Variants in RFX3 observed in about 807,000 individuals in gnomAD.
RFX3 encodes transcription factor RFX3.
In RFX3, 14 loss-of-function variants were observed where a neutral mutation model predicts 98.6. That is an observed-to-expected ratio of 0.14 (90% CI 0.09 to 0.22). RFX3 has a LOEUF of 0.22. Among genes scored for constraint, RFX3 ranks in the 10% least tolerant of loss-of-function variants. The pLI is 1.00. For missense variants in RFX3, 639 were observed against 926.9 expected, an observed-to-expected ratio of 0.69 and a Z score of 4.03; for synonymous variants, 383 against 328.4, an observed-to-expected ratio of 1.17 and a Z score of -1.80.
chr9:3,420,194 G>C (rs1468591253), intron 1 of RFX3, among the ~76,000 whole-genome samples: 1 of 152,154 alleles, frequency 6.6e-6, no homozygotes, highest in Non-Finnish European at 1.5e-5. Flanking sequence ...TTGCACTGAA[G>C]CACACCAGTC....
chr9:3,452,880 G>C lies in RFX3; in HGVS notation c.-8-57284C>G, dbSNP rs532229632. Among the ~76,000 whole-genome samples, 16 of 152,270 alleles carry C rather than the reference G, an allele frequency of 1.1e-4. No homozygotes were observed. In the South Asian group the frequency reaches 2.1e-3, roughly 20 times the overall value. On this transcript the variant is annotated intron_variant, in intron 1 of 16. Coordinates refer to ENST00000617270, the MANE Select transcript of RFX3 (RefSeq NM_001282116.2). ...TTTTAATATAGTACCATAGAAAGTA[G>C]CATGGCTCCAGGAGATTAGACTAAA...
intron 14 of RFX3, among the ~76,000 whole-genome samples, chr9:3,253,823 T>C (rs529441054): frequency 6.6e-4 from 100 of 152,344 alleles, no homozygotes; most frequent in Non-Finnish European, 1.3e-3. Flanking sequence ...TTTTGGCATC[T>C]GTAATGCCAA....
chr9:3,353,002 G>A (rs907417703), intron 2 of RFX3, among the ~76,000 whole-genome samples: 21 of 152,052 alleles, frequency 1.4e-4, no homozygotes, highest in African/African-American at 4.6e-4. Flanking sequence ...ATACACCATG[G>A]AATACTATGC....
intron 2 of RFX3, among the ~76,000 whole-genome samples, chr9:3,358,646 C>T (rs777632076): frequency 1.4e-4 from 22 of 152,022 alleles, no homozygotes; most frequent in South Asian, 6.2e-4. Context: ...CATATTTTGG[C>T]GGTAACACCA....
chr9:3,443,369 C>A (rs190790245), intron 1 of RFX3, among the ~76,000 whole-genome samples: 9 of 152,276 alleles, frequency 5.9e-5, no homozygotes, highest in Non-Finnish European at 1.3e-4. Flanking sequence ...CAACCCTCTC[C>A]AACAGGCCCC....
At chr9:3,524,467 G>A in intron 1 of RFX3, 1 of 953,612 alleles carries the variant, frequency 1.0e-6, no homozygotes, top group Non-Finnish European at 1.2e-6. Flanking sequence ...GAAAGAAAGT[G>A]AAATATACAC....
chr9:3,347,552 G>A (rs1161704428), intron 2 of RFX3, among the ~76,000 whole-genome samples: 6 of 151,986 alleles, frequency 3.9e-5, no homozygotes, highest in Non-Finnish European at 5.9e-5. Context: ...GGCCGGGTGC[G>A]GTGGCTCACC....
intron 1 of RFX3, among the ~76,000 whole-genome samples, chr9:3,414,690 GTA>G (rs1297305942): frequency 1.1e-5 from 1 of 94,092 alleles, no homozygotes; most frequent in Non-Finnish European, 1.9e-5. Context: ...GAGTATATAT[GTA>G]TATATGAGTA....
In RFX3 at chr9:3,255,875, G is replaced by A. The variant is rs148565268; in HGVS notation, c.1814+1116C>T. 3.3e-3 allele frequency among the ~76,000 whole-genome samples: 497 copies of A among 152,118 alleles called. 1 individual carries two copies. Among genetic ancestry groups the A allele is most frequent in the Non-Finnish European group, 6.1e-3 (412 of 68,010 alleles). ...GTGATTTATATTATTAATAAGCTAT[G>A]TTACTGTCTACGAGATTACTGATGA... On this transcript the variant is annotated intron_variant, in intron 14 of 16. Transcript: ENST00000617270.
At chr9:3,420,170 C>T (rs753182617) in intron 1 of RFX3, among the ~76,000 whole-genome samples, 4 of 152,188 alleles carry the variant, frequency 2.6e-5, no homozygotes, top group Non-Finnish European at 5.9e-5. Context: ...TGTGTGCTGC[C>T]TTCTTCCAGA....
At position 3,282,637 on chromosome 9, in the gene RFX3, T is replaced by TA. The variant is rs1267858909; in HGVS notation, c.852-5177_852-5176insT. 2.6e-5 allele frequency among the ~76,000 whole-genome samples: 4 copies of TA among 151,888 alleles called. No individual in the cohort carries two copies. The East Asian group carries it at 7.7e-4, about 29-fold the overall frequency. On this transcript the variant is annotated intron_variant, in intron 7 of 16. Coordinates refer to ENST00000617270, the MANE Select transcript of RFX3 (RefSeq NM_001282116.2). ...TCTCTGATCTCATGAATTTCTTCAT[T>TA]GAGTCCTCTAAGCATAGGTGGTTTA...
intron 1 of RFX3, among the ~76,000 whole-genome samples, chr9:3,415,955 G>C (rs577675866): frequency 2.0e-5 from 3 of 152,190 alleles, no homozygotes; most frequent in Admixed American, 2.0e-4. Context: ...AACCTATTTG[G>C]TTTAATTATC....
intron 5 of RFX3, among the ~76,000 whole-genome samples, chr9:3,296,521 CA>C (rs1424519147): frequency 2.6e-5 from 4 of 151,812 alleles, no homozygotes; most frequent in African/African-American, 9.6e-5. Flanking sequence ...TAAACTAGTT[CA>C]AAAAATCAGT....
chr9:3,408,018 C>A (rs866251677), intron 1 of RFX3, among the ~76,000 whole-genome samples: 4 of 152,092 alleles, frequency 2.6e-5, no homozygotes, highest in African/African-American at 9.7e-5. Context: ...CACACCATAA[C>A]GCCCACTTCT....
At position 3,504,918 on chromosome 9, in the gene RFX3, TA is replaced by T. The variant is rs1354754718; in HGVS notation, c.-9+20828del. Among the ~76,000 whole-genome samples, 488 of 70,470 alleles carry T rather than the reference TA, an allele frequency of 6.9e-3. 20 individuals are homozygous for T. The highest frequency in any genetic ancestry group is 0.033 in the African/African-American group (470 of 14,326). The allele number at this position is 70,470 out of a possible 152,430, so 46.2% of individuals were successfully genotyped here. A position where few individuals can be genotyped will look rare whatever the true frequency, so the allele number is the denominator to read the frequency against. On this transcript the variant is annotated intron_variant, in intron 1 of 16. Coordinates refer to ENST00000617270, the MANE Select transcript of RFX3 (RefSeq NM_001282116.2). ...ACATATATTATATATATATATAATA[TA>T]ACATATATTATATATAATATATATA... is the stretch of plus-strand genomic sequence containing the variant.
At chr9:3,304,182 C>A (rs529280109) in intron 4 of RFX3, among the ~76,000 whole-genome samples, 28 of 152,024 alleles carry the variant, frequency 1.8e-4, no homozygotes, top group African/African-American at 6.5e-4. Flanking sequence ...CATTTAGTTA[C>A]CACCTCACTG....
At chr9:3,252,750 C>G (rs995543568) in intron 14 of RFX3, among the ~76,000 whole-genome samples, 2 of 151,948 alleles carry the variant, frequency 1.3e-5, no homozygotes, top group African/African-American at 4.8e-5. Flanking sequence ...AGGCAATCAC[C>G]TGATTTCAGC....
Position 3,303,442 on chromosome 9 carries a change from T to G in RFX3, c.475-1822A>C, listed in dbSNP as rs1028577631. Among the ~76,000 whole-genome samples, 12 of 151,912 alleles carry G rather than the reference T, an allele frequency of 7.9e-5. 1 individual carries two copies. Among genetic ancestry groups the G allele is most frequent in the Admixed American group, 5.9e-4 (9 of 15,168 alleles). On this transcript the variant is annotated intron_variant, in intron 4 of 16. Transcript: ENST00000617270. ...ATTTGCCATTATACCTATATTTTCT[T>G]TAAAGTTTGAGTGCAGAGAATTTGA...
intron 1 of RFX3, among the ~76,000 whole-genome samples, chr9:3,425,042 C>A (rs540375072): frequency 6.6e-6 from 1 of 152,098 alleles, no homozygotes; most frequent in East Asian, 1.9e-4. Flanking sequence ...CCAGCCTGGG[C>A]AACAGGCAAA....
Sources: gnomAD v4.1 joint callset for allele counts (sites outside exome capture counted in the v4.1 genomes callset) on GRCh38, gnomAD v4.1.1 for gene constraint, MANE v1.5 for transcripts, NCBI Gene and HGNC (gene_info 2026-07-23, HGNC 2026-07-21) for gene names.